LRP1B: variants seen among roughly 807,000 people sequenced by gnomAD.
LRP1B encodes LDL receptor related protein 1B.
In LRP1B, 217 loss-of-function variants were observed where a neutral mutation model predicts 556.6. The observed-to-expected ratio is 0.39, with a 90% CI of 0.35 to 0.44. The LOEUF is 0.44. Among genes scored for constraint, LRP1B ranks in the 20% least tolerant of loss-of-function variants. The pLI is 1.00. For missense variants in LRP1B, 5,053 were observed against 5,620.8 expected (o/e 0.90, Z 3.23); for synonymous variants, 2,047 against 1,865.8 (o/e 1.10, Z -2.50).
chr2:141,193,310 C>G (rs955464805), intron 6 of LRP1B, among the ~76,000 whole-genome samples: 1 of 151,762 alleles, frequency 6.6e-6, no homozygotes, highest in Non-Finnish European at 1.5e-5. Context: ...CTATAAGCAC[C>G]ATTCACAATA....
intron 52 of LRP1B, among the ~76,000 whole-genome samples, chr2:140,508,238 T>A (rs1689503091): frequency 6.6e-6 from 1 of 152,202 alleles, no homozygotes; most frequent in South Asian, 2.1e-4. Flanking sequence ...AAGACTCAGA[T>A]AATATTATCA....
intron 41 of LRP1B, among the ~76,000 whole-genome samples, chr2:140,677,840 C>T (rs1399120934): frequency 6.8e-6 from 1 of 147,256 alleles, no homozygotes; most frequent in Admixed American, 6.8e-5. Context: ...CGTGCTATTG[C>T]ACTCCAGTCT....
chr2:140,509,077 C>T (rs1048841378), intron 52 of LRP1B, among the ~76,000 whole-genome samples: 3 of 61,906 alleles, frequency 4.8e-5, no homozygotes, highest in African/African-American at 1.0e-4. Context: ...CACACACACA[C>T]ACACAAACAC....
At chr2:140,886,833 G>C (rs186093246) in intron 23 of LRP1B, among the ~76,000 whole-genome samples, 2 of 152,280 alleles carry the variant, frequency 1.3e-5, no homozygotes, top group Admixed American at 1.3e-4. Context: ...TCCATTAAGA[G>C]ACAAGATGGC....
intron 1 of LRP1B, among the ~76,000 whole-genome samples, chr2:142,057,994 G>C (rs1468927550): frequency 6.6e-6 from 1 of 152,126 alleles, no homozygotes; most frequent in African/African-American, 2.4e-5. Context: ...ATGTACATTT[G>C]CTGAAGGAAA....
chr2:141,575,690 GC>G (rs1686713756), intron 2 of LRP1B, among the ~76,000 whole-genome samples: 1 of 151,048 alleles, frequency 6.6e-6, no homozygotes, highest in South Asian at 2.1e-4. Context: ...GAAAACTTTT[GC>G]AATCTACTGA....
At chr2:141,854,566 AT>A (rs1677043809) in intron 1 of LRP1B, among the ~76,000 whole-genome samples, 1 of 152,090 alleles carries the variant, frequency 6.6e-6, no homozygotes, top group African/African-American at 2.4e-5. Context: ...TTGAAGTTGA[AT>A]TTGTAGGAAC....
At chr2:141,139,633 A>G (rs552726005) in intron 7 of LRP1B, among the ~76,000 whole-genome samples, 2 of 152,176 alleles carry the variant, frequency 1.3e-5, no homozygotes, top group South Asian at 4.1e-4. Flanking sequence ...ATAAAGTAAA[A>G]TGATAATGCA....
At chr2:141,345,197 T>A (rs1040670271) in intron 3 of LRP1B, among the ~76,000 whole-genome samples, 2 of 150,414 alleles carry the variant, frequency 1.3e-5, no homozygotes, top group African/African-American at 2.4e-5. Context: ...AGAAAATGGA[T>A]TCCCCCTTAG....
At chr2:140,880,587 A>C (rs1693442748) in intron 25 of LRP1B, among the ~76,000 whole-genome samples, 1 of 151,998 alleles carries the variant, frequency 6.6e-6, no homozygotes, top group African/African-American at 2.4e-5. Flanking sequence ...GTCAATTAAA[A>C]ACACTTCACA....
chr2:140,793,000 A>G (rs1296340430), intron 32 of LRP1B, among the ~76,000 whole-genome samples: 1 of 152,074 alleles, frequency 6.6e-6, no homozygotes, highest in Non-Finnish European at 1.5e-5. Flanking sequence ...ATCTATAAGC[A>G]TACAGTATAG....
At chr2:140,902,599 A>G (rs1694136278) in intron 23 of LRP1B, among the ~76,000 whole-genome samples, 1 of 152,046 alleles carries the variant, frequency 6.6e-6, no homozygotes, top group Non-Finnish European at 1.5e-5. Flanking sequence ...GTGGGGCAGG[A>G]CCCCCTAAAA....
At chr2:141,049,367 G>A (rs1698971322) in intron 10 of LRP1B, 145 bp from the exon 11 acceptor site, 1 of 639,604 alleles carries the variant, frequency 1.6e-6, no homozygotes, top group Admixed American at 2.7e-5. Flanking sequence ...AATGTATCTT[G>A]ATGCAAGAAG....
rs373029071 is a variant in LRP1B at position 141,010,740 on chromosome 2, T to C, written c.2380+2816A>G. ...CATACTGGCCAGGCTGGTCTCGAACTCCTGACCTCAGGTAACCCACCCACC... is the reference window on the plus strand; with the variant it reads ...CATACTGGCCAGGCTGGTCTCGAACCCCTGACCTCAGGTAACCCACCCACC... On this transcript the variant is annotated intron_variant, in intron 14 of 90. Transcript: ENST00000389484. Among the ~76,000 whole-genome samples the C allele has an allele frequency of 3.2e-4, 48 of 152,056 alleles. 1 individual carries two copies. Among genetic ancestry groups the C allele is most frequent in the African/African-American group, 1.1e-3 (47 of 41,512 alleles).
At chr2:140,408,397 C>G (rs1568255) in intron 66 of LRP1B, among the ~76,000 whole-genome samples, 24,390 of 151,912 alleles carry the variant, frequency 0.16, 2,373 homozygotes, top group African/African-American at 0.27. Flanking sequence ...ACTAGGCGAT[C>G]TTGTGAGCTC....
chr2:140,571,509 G>A (rs750066988), intron 43 of LRP1B, among the ~76,000 whole-genome samples: 5 of 151,742 alleles, frequency 3.3e-5, no homozygotes, highest in Non-Finnish European at 5.9e-5. Flanking sequence ...AGAAATTGAA[G>A]AGGACACCAA....
intron 1 of LRP1B, among the ~76,000 whole-genome samples, chr2:141,898,365 C>T (rs560376461): frequency 1.3e-5 from 2 of 152,146 alleles, no homozygotes; most frequent in East Asian, 1.9e-4. Context: ...CACTTTAATA[C>T]CATAAAAATA....
chr2:141,091,105 C>T (rs888507369), intron 7 of LRP1B, among the ~76,000 whole-genome samples: 3 of 152,028 alleles, frequency 2.0e-5, no homozygotes, highest in Non-Finnish European at 2.9e-5. Context: ...TCAGGAATCT[C>T]AATTTGTTTG....
At chr2:142,029,640 G>A (rs530217498) in intron 1 of LRP1B, among the ~76,000 whole-genome samples, 5 of 151,952 alleles carry the variant, frequency 3.3e-5, no homozygotes, top group African/African-American at 9.6e-5. Context: ...AGCTGTTCAT[G>A]ATTTATCCTG....
Sources: gnomAD v4.1 joint callset for allele counts (sites outside exome capture counted in the v4.1 genomes callset) on GRCh38, gnomAD v4.1.1 for gene constraint, MANE v1.5 for transcripts, NCBI Gene and HGNC (gene_info 2026-07-23, HGNC 2026-07-21) for gene names.